CENPI: variants seen among roughly 807,000 people sequenced by gnomAD.
CENPI encodes centromere protein I.
In CENPI, 4 loss-of-function variants were observed where a neutral mutation model predicts 60.4. The observed-to-expected ratio is 0.07, with a 90% CI of 0.03 to 0.15. The LOEUF is 0.15. Ranked by LOEUF, CENPI falls within the 10% of genes least tolerant of loss-of-function variation. CENPI has a pLI of 1.00. For missense variants in CENPI, 444 were observed against 534.5 expected, an observed-to-expected ratio of 0.83 and a Z score of 1.67; for synonymous variants, 157 against 189.4, an observed-to-expected ratio of 0.83 and a Z score of 1.40.
intron 16 of CENPI, chrX:101,140,988 T>G (rs2089910519): frequency 3.5e-6 from 1 of 287,925 alleles, no homozygotes; most frequent in Admixed American, 5.9e-5. Flanking sequence ...GCTAAATGAC[T>G]TCTTTCAAGA....
intron 18 of CENPI, among the ~76,000 whole-genome samples, chrX:101,146,653 G>A (rs921173415): frequency 8.9e-6 from 1 of 111,794 alleles, no homozygotes; most frequent in Non-Finnish European, 1.9e-5. Context: ...GGGAGCTATT[G>A]CCAATTATAT....
In CENPI at chrX:101,139,219, C is replaced by T. The variant is rs1380990373; in HGVS notation, c.1471-1447C>T. Among the ~76,000 whole-genome samples, 4 of 103,182 alleles carry T rather than the reference C, an allele frequency of 3.9e-5. No homozygotes were observed. In the Admixed American group the frequency reaches 4.3e-4, roughly 11 times the overall value. The allele number at this position is 103,182 out of a possible 115,157, so 89.6% of individuals were successfully genotyped here. A position where few individuals can be genotyped will look rare whatever the true frequency, so the allele number is the denominator to read the frequency against. On this transcript the variant is annotated intron_variant, in intron 15 of 21. Transcript: ENST00000682095. ...GCAATTCTCCTGCCTCTCAGCCTCC[C>T]GAGTAGCTGGGATTACAGGCACGTG... is the stretch of plus-strand genomic sequence containing the variant.
intron 16 of CENPI, among the ~76,000 whole-genome samples, chrX:101,142,641 G>A (rs1408644142): frequency 9.0e-6 from 1 of 111,349 alleles, no homozygotes; most frequent in East Asian, 2.8e-4. Context: ...GCTTCAGTGG[G>A]TGGGAAGTAG....
chrX:101,142,769 G>T (rs1176183172), intron 16 of CENPI, among the ~76,000 whole-genome samples: 1 of 111,561 alleles, frequency 9.0e-6, no homozygotes, highest in Non-Finnish European at 1.9e-5. Context: ...TTCAGACACA[G>T]TTGCCAAGTG....
In CENPI at chrX:101,102,855, ATTTTTTTT is replaced by A. The variant is rs777790665; in HGVS notation, c.364+453_364+460del. 3.7e-5 allele frequency among the ~76,000 whole-genome samples: 3 copies of A among 81,506 alleles called. No individual in the cohort carries two copies. The Admixed American group carries it at 4.4e-4, about 12-fold the overall frequency. The allele number at this position is 81,506 out of a possible 115,157, so 70.8% of individuals were successfully genotyped here. A position where few individuals can be genotyped will look rare whatever the true frequency, so the allele number is the denominator to read the frequency against. ...CCACCACACCTGGCTAATTTTTTGT[ATTTTTTTT>A]TTTTTTTTAGTAGGGACGGGTTTTT... is the stretch of plus-strand genomic sequence containing the variant. On this transcript the variant is annotated intron_variant, in intron 4 of 21. Transcript: ENST00000682095.
chrX:101,131,292 TGA>T (rs2089793664), intron 13 of CENPI, among the ~76,000 whole-genome samples: 2 of 111,884 alleles, frequency 1.8e-5, no homozygotes, highest in Non-Finnish European at 3.8e-5. Flanking sequence ...ATTATAGGTG[TGA>T]GCCATCACAC....
intron 15 of CENPI, 126 bp downstream of exon 15, chrX:101,132,582 G>A (rs1348457213): frequency 1.3e-5 from 7 of 528,741 alleles, no homozygotes; most frequent in Non-Finnish European, 2.1e-5. Flanking sequence ...GGGCTTTGAG[G>A]TACTGCATCA....
At chrX:101,120,885 T>C in intron 8 of CENPI, 101 bp downstream of exon 8, 3 of 736,733 alleles carry the variant, frequency 4.1e-6, no homozygotes, top group Non-Finnish European at 6.0e-6. Context: ...TCTTTTTTTT[T>C]TTTTTTTTGA....
intron 20 of CENPI, among the ~76,000 whole-genome samples, chrX:101,158,254 T>A (rs1226187448): frequency 9.2e-6 from 1 of 108,181 alleles, no homozygotes; most frequent in African/African-American, 3.4e-5. Context: ...AATCTGTAAA[T>A]TGCTTTGGGC....
downstream of CENPI, among the ~76,000 whole-genome samples, chrX:101,169,757 G>T (rs1244383543): frequency 9.0e-6 from 1 of 111,613 alleles, no homozygotes; most frequent in Non-Finnish European, 1.9e-5. Flanking sequence ...CCTTCCAGTA[G>T]AAAGAGATGT....
the CENPI span, among the ~76,000 whole-genome samples, chrX:101,178,395 C>CTTTTTTTTTT: frequency 2.1e-5 from 1 of 47,111 alleles, no homozygotes; most frequent in Non-Finnish European, 4.3e-5. Context: ...TTCTTTTCTT[C>CTTTTTTTTTT]TTCTTTTTTT....
intron 6 of CENPI, among the ~76,000 whole-genome samples, chrX:101,112,595 A>G (rs2089566906): frequency 8.9e-6 from 1 of 112,302 alleles, no homozygotes; most frequent in African/African-American, 3.2e-5. Context: ...TTTTCCAACT[A>G]TGTATCTGTG....
intron 6 of CENPI, among the ~76,000 whole-genome samples, chrX:101,111,063 G>A (rs745843185): frequency 6.3e-5 from 7 of 111,386 alleles, no homozygotes; most frequent in Non-Finnish European, 1.1e-4. Context: ...TGAAAAAGTT[G>A]GGTGAGGACA....
chrX:101,133,028 A>T (rs2089811323), intron 15 of CENPI, among the ~76,000 whole-genome samples: 1 of 111,247 alleles, frequency 9.0e-6, no homozygotes, highest in Non-Finnish European at 1.9e-5. Context: ...CCACTTTCTT[A>T]TAGAATGGTT....
intron 8 of CENPI, among the ~76,000 whole-genome samples, chrX:101,123,829 C>G (rs1429169975): frequency 9.0e-6 from 1 of 111,250 alleles, no homozygotes; most frequent in Non-Finnish European, 1.9e-5. Context: ...CTCAAGCAAT[C>G]CTCCCGCCTT....
intron 20 of CENPI, among the ~76,000 whole-genome samples, chrX:101,150,075 TAGA>T (rs1199828430): frequency 9.1e-6 from 1 of 110,076 alleles, no homozygotes; most frequent in Non-Finnish European, 1.9e-5. Context: ...TTTAACTACG[TAGA>T]AGAATTTCAG....
At position 101,130,051 on chromosome X, in the gene CENPI, T is replaced by C. The variant is rs759841856; in HGVS notation, c.1265T>C (p.Ile422Thr). The C allele has an allele frequency of 8.4e-7, 1 of 1,197,142 alleles. No homozygotes were observed. The highest frequency in any genetic ancestry group is 1.7e-5 in the African/African-American group (1 of 57,676). Residue 422 changes from isoleucine to threonine, a missense_variant, in exon 13 of 22, where the codon ATC becomes ACC. Transcript: ENST00000682095. ...TTTACCAACTTCCTGGATACCATCA[T>C]CAGGGCAGAGTGCTTCTTACAAGTA... ...KEFTNFLDTI[I>T]RAECFLQEGF...
intron 6 of CENPI, among the ~76,000 whole-genome samples, chrX:101,112,009 C>T (rs988006374): frequency 9.0e-6 from 1 of 111,059 alleles, no homozygotes; most frequent in African/African-American, 3.3e-5. Context: ...TCCGGCCTGG[C>T]GACAGAGTGA....
At chrX:101,107,835 A>T (rs868081725) in intron 4 of CENPI, among the ~76,000 whole-genome samples, 23,983 of 87,035 alleles carry the variant, frequency 0.28, 2,618 homozygotes, top group South Asian at 0.31. Context: ...CACTTGGCTA[A>T]TTTTTTTTTT....
Sources: allele counts gnomAD v4.1 joint callset (sites outside exome capture counted in the v4.1 genomes callset), GRCh38; gene constraint gnomAD v4.1.1; transcripts MANE v1.5; gene names NCBI Gene and HGNC (gene_info 2026-07-23, HGNC 2026-07-21).